Variants in IGSF21 observed in about 807,000 individuals in gnomAD.
IGSF21 encodes immunoglobin superfamily member 21.
Under a neutral mutation model 46.8 loss-of-function variants are expected in IGSF21, and 28 were observed. That is an observed-to-expected ratio of 0.60 (90% CI 0.44 to 0.82). The LOEUF is 0.82. IGSF21 is among the 40% of genes least tolerant of loss of function. IGSF21 has a pLI of 0.00. For synonymous variants in IGSF21, 284 were observed against 273.6 expected, an observed-to-expected ratio of 1.04 and a Z score of -0.38; for missense variants, 624 against 665.5, an observed-to-expected ratio of 0.94 and a Z score of 0.69.
chr1:18,368,467 C>T (rs1421550981), intron 6 of IGSF21, among the ~76,000 whole-genome samples: 2 of 150,428 alleles, frequency 1.3e-5, no homozygotes, highest in East Asian at 3.9e-4. Context: ...GCCGAGATTG[C>T]ACCACTGCAC....
intron 2 of IGSF21, among the ~76,000 whole-genome samples, chr1:18,273,429 C>CT (rs1557618268): frequency 2.2e-5 from 3 of 134,708 alleles, no homozygotes; most frequent in South Asian, 4.7e-4. Context: ...CCTTTCCTTT[C>CT]CTTTCTTTCT....
intron 3 of IGSF21, among the ~76,000 whole-genome samples, chr1:18,318,465 CGTGT>C (rs60257732): frequency 3.5e-3 from 525 of 148,790 alleles, no homozygotes; most frequent in Middle Eastern, 0.035. Flanking sequence ...TGCGTGCGTG[CGTGT>C]GTGTGTGTGT....
chr1:18,120,439 C>T (rs1483484402), intron 1 of IGSF21, among the ~76,000 whole-genome samples: 1 of 152,160 alleles, frequency 6.6e-6, no homozygotes, highest in Non-Finnish European at 1.5e-5. Flanking sequence ...CCATACAGAT[C>T]AGCCTCCAAA....
At chr1:18,185,184 C>G (rs2124471961) in intron 1 of IGSF21, among the ~76,000 whole-genome samples, 1 of 152,220 alleles carries the variant, frequency 6.6e-6, no homozygotes, top group South Asian at 2.1e-4. Flanking sequence ...TCTGGCTCAG[C>G]CTGGCAGAAA....
chr1:18,256,863 C>G (rs958318908), intron 2 of IGSF21, among the ~76,000 whole-genome samples: 2 of 152,186 alleles, frequency 1.3e-5, no homozygotes, highest in African/African-American at 4.8e-5. Context: ...GACATGGAGA[C>G]CAGGTCCCCT....
intron 2 of IGSF21, among the ~76,000 whole-genome samples, chr1:18,286,002 C>G (rs2085209144): frequency 6.6e-6 from 1 of 152,182 alleles, no homozygotes; most frequent in Admixed American, 6.5e-5. Flanking sequence ...AGGCATGATC[C>G]TTCCCGTTTT....
chr1:18,229,026 A>G (rs1453803501), intron 2 of IGSF21, among the ~76,000 whole-genome samples: 3 of 152,142 alleles, frequency 2.0e-5, no homozygotes, highest in African/African-American at 7.2e-5. Context: ...TTCAATGATT[A>G]AAAAAGGTAA....
At chr1:18,218,223 A>G (rs2084472643) in intron 1 of IGSF21, among the ~76,000 whole-genome samples, 1 of 152,210 alleles carries the variant, frequency 6.6e-6, no homozygotes, top group South Asian at 2.1e-4. Flanking sequence ...ACATGGCTGG[A>G]GCAGGAGAAA....
chr1:18,354,913 T>G (rs768837494), intron 4 of IGSF21, among the ~76,000 whole-genome samples: 6 of 149,184 alleles, frequency 4.0e-5, no homozygotes, highest in Non-Finnish European at 5.9e-5. Flanking sequence ...TGCTCAGCAC[T>G]TTGCTATCCT....
rs114343161 is a variant in IGSF21, at chr1:18,371,261, A to G, written c.1016-5049A>G. Among the ~76,000 whole-genome samples the G allele has an allele frequency of 3.6e-3, 555 of 152,348 alleles. 3 individuals are homozygous for G. Among genetic ancestry groups the G allele is most frequent in the African/African-American group, 0.013 (531 of 41,590 alleles). On this transcript the variant is annotated intron_variant, in intron 6 of 9. Coordinates refer to ENST00000251296, the MANE Select transcript of IGSF21 (RefSeq NM_032880.5). ...ATGAACTCATGATACCTGCATTAGC[A>G]TGGATGGAGCTCAAAAACATGTTGA...
chr1:18,273,504 CTTTCT>C (rs1557618650), intron 2 of IGSF21, among the ~76,000 whole-genome samples: 5 of 62,832 alleles, frequency 8.0e-5, no homozygotes, highest in African/African-American at 2.8e-4. Flanking sequence ...TTCTTTCTTT[CTTTCT>C]TTCTTTCTTT....
rs141595656 is a variant in IGSF21 at position 18,108,782 on chromosome 1, C to A, written c.70+584C>A. 9.3e-5 allele frequency among the ~76,000 whole-genome samples: 14 copies of A among 150,752 alleles called. No homozygotes were observed. In the East Asian group the frequency reaches 2.8e-3, roughly 30 times the overall value. Reference sequence around the variant, plus strand: ...GCAGGTCTCTAGGGGTGTACGACAGCGGATTACTATTTCTGTGTGCACAGG... The same window carrying A: ...GCAGGTCTCTAGGGGTGTACGACAGAGGATTACTATTTCTGTGTGCACAGG... On this transcript the variant is annotated intron_variant, in intron 1 of 9. Transcript: ENST00000251296.
At chr1:18,313,362 C>T (rs765396528) in intron 3 of IGSF21, among the ~76,000 whole-genome samples, 1 of 152,174 alleles carries the variant, frequency 6.6e-6, no homozygotes, top group Non-Finnish European at 1.5e-5. Flanking sequence ...CCACCTGGAG[C>T]CAGGCTCCTA....
At chr1:18,233,070 A>T (rs566309361) in intron 2 of IGSF21, among the ~76,000 whole-genome samples, 2 of 152,266 alleles carry the variant, frequency 1.3e-5, no homozygotes, top group South Asian at 4.2e-4. Context: ...GAATCATGGG[A>T]GTTTAACCTT....
Position 18,297,814 on chromosome 1 carries a change from TTA to T in IGSF21, c.305+5829_305+5830del, listed in dbSNP as rs199623233. 6.8e-4 allele frequency among the ~76,000 whole-genome samples: 97 copies of T among 141,776 alleles called. 1 individual carries two copies. Among genetic ancestry groups the T allele is most frequent in the African/African-American group, 2.5e-3 (87 of 35,228 alleles). The allele number at this position is 141,776 out of a possible 152,430, so 93.0% of individuals were successfully genotyped here. On this transcript the variant is annotated intron_variant, in intron 3 of 9. Coordinates refer to ENST00000251296, the MANE Select transcript of IGSF21 (RefSeq NM_032880.5). ...TTGTATTATTTATATTGTTGCATTA[TTA>T]TTTTTTTTCTCTGAATATTTTTGGT...
intron 2 of IGSF21, among the ~76,000 whole-genome samples, chr1:18,232,850 G>T (rs2084641037): frequency 6.6e-6 from 1 of 152,218 alleles, no homozygotes; most frequent in South Asian, 2.1e-4. Context: ...TGTCTCATGT[G>T]GGCATCTGTG....
chr1:18,201,488 T>C (rs149406629), intron 1 of IGSF21, among the ~76,000 whole-genome samples: 2 of 152,160 alleles, frequency 1.3e-5, no homozygotes, highest in Non-Finnish European at 2.9e-5. Flanking sequence ...GCTGTGGAAG[T>C]CTATCATCCA....
At chr1:18,172,695 C>A (rs1375422127) in intron 1 of IGSF21, among the ~76,000 whole-genome samples, 3 of 152,234 alleles carry the variant, frequency 2.0e-5, no homozygotes, top group African/African-American at 4.8e-5. Flanking sequence ...CCCCTACCTG[C>A]AAATGCAGTC....
At chr1:18,227,822 C>G in intron 1 of IGSF21, 76 bp from the exon 2 acceptor site, 1 of 1,026,610 alleles carries the variant, frequency 9.7e-7, no homozygotes, top group Non-Finnish European at 1.5e-6. Context: ...CTGCTGTCTC[C>G]CTGGCCCTGC....
Sources: allele counts gnomAD v4.1 joint callset (sites outside exome capture counted in the v4.1 genomes callset), GRCh38; gene constraint gnomAD v4.1.1; transcripts MANE v1.5; gene names NCBI Gene and HGNC (gene_info 2026-07-23, HGNC 2026-07-21).